SLC25A29: variants seen among roughly 807,000 people sequenced by gnomAD.
SLC25A29 encodes solute carrier family 25 member 29.
A neutral mutation model predicts 10.0 loss-of-function variants in SLC25A29; 13 were observed. The observed-to-expected ratio is 1.30, with a 90% CI of 0.85 to 2.07. SLC25A29 has a LOEUF of 2.07. SLC25A29 is among the 30% of genes most tolerant of loss of function. SLC25A29 has a pLI of 0.00. For missense variants in SLC25A29, 475 were observed against 447.6 expected (o/e 1.06, Z -0.55); for synonymous variants, 244 against 221.1 (o/e 1.10, Z -0.92).
intron 1 of SLC25A29, among the ~76,000 whole-genome samples, chr14:100,301,200 A>G (rs1892521807): frequency 6.7e-6 from 1 of 148,518 alleles, no homozygotes; most frequent in South Asian, 2.1e-4. Context: ...CGCCTGGCCT[A>G]TTCCCTTTCT....
At position 100,292,938 on chromosome 14, in the gene SLC25A29, G is replaced by A. The variant is rs773118795; in HGVS notation, c.257C>T (p.Ala86Val). The change falls in exon 4 of 4, where the codon GCC becomes GTC. Residue 86 changes from alanine (A) to valine (V), a missense_variant. Physicochemically the swap from Ala to Val is moderately conservative, Grantham distance 64. Transcript: ENST00000359232. Reference sequence around the variant, plus strand: ...GTTGAGGGGCGAGTCGTGGCCCAGGGCCCGGAGGGTGTTGCCCTGCACCCC... The same window carrying A: ...GTTGAGGGGCGAGTCGTGGCCCAGGACCCGGAGGGTGTTGCCCTGCACCCC... The part of the protein sequence containing the change: ...VFGVQGNTLR[A>V]LGHDSPLNQF... 5 of 1,607,042 alleles carry A rather than the reference G, an allele frequency of 3.1e-6. No individual in the cohort carries two copies. Among genetic ancestry groups the A allele is most frequent in the African/African-American group, 1.3e-5 (1 of 74,966 alleles).
intron 2 of SLC25A29, 107 bp downstream of exon 2, chr14:100,298,735 G>A: frequency 7.1e-7 from 1 of 1,414,100 alleles, no homozygotes; most frequent in Non-Finnish European, 1.0e-6. Flanking sequence ...TGTAAAAGCA[G>A]CTGCCCACCT....
At chr14:100,282,320 ATG>A in the SLC25A29 span, 3 of 150,924 alleles carry the variant, frequency 2.0e-5, no homozygotes, top group Non-Finnish European at 2.9e-5. Flanking sequence ...CAGCACTGGG[ATG>A]TGTTGAGGAG....
In SLC25A29 at chr14:100,291,353, C is replaced by CT. The variant is rs1399078211; in HGVS notation, c.*929dup. 2 of 152,630 alleles carry CT rather than the reference C, an allele frequency of 1.3e-5. No homozygotes were observed. Among genetic ancestry groups the CT allele is most frequent in the African/African-American group, 4.8e-5 (2 of 41,464 alleles). 9.5% of individuals were successfully genotyped at this position (152,630 alleles called of 1,614,324 possible). ...CACCGTTTGCTGGGGAGCAGAGGGACTGACCTTTGGCTTCTTTGTGGCTGG... is the reference window on the plus strand; with the variant it reads ...CACCGTTTGCTGGGGAGCAGAGGGACTTGACCTTTGGCTTCTTTGTGGCTGG... On this transcript the variant is annotated 3_prime_UTR_variant, in exon 4 of 4. Coordinates refer to ENST00000359232, the MANE Select transcript of SLC25A29 (RefSeq NM_001039355.3).
chr14:100,290,194 C>T (rs1048423091), downstream of SLC25A29, among the ~76,000 whole-genome samples: 30 of 152,210 alleles, frequency 2.0e-4, no homozygotes, highest in Non-Finnish European at 2.8e-4. Context: ...GGGACCACAG[C>T]CACAGGCCAC....
Position 100,306,216 on chromosome 14 carries a change from A to G in SLC25A29, c.17T>C (p.Leu6Ser). 9.9e-6 allele frequency: 15 copies of G among 1,515,596 alleles called. No individual in the cohort carries two copies. Among genetic ancestry groups the G allele is most frequent in the Non-Finnish European group, 1.3e-5 (15 of 1,138,800 alleles). 93.9% of individuals were successfully genotyped at this position (1,515,596 alleles called of 1,614,324 possible). Residue 6 changes from leucine (L) to serine (S), a missense_variant, in exon 1 of 4, where the codon TTG becomes TCG. Transcript: ENST00000359232. ...CTCCTTACCCCCCGCGCATCCAGCCAAGAAGTCCAGCGCCATGGCCGGGTC... is the reference window on the plus strand; with the variant it reads ...CTCCTTACCCCCCGCGCATCCAGCCGAGAAGTCCAGCGCCATGGCCGGGTC... MALDFLAGCAGGVAGV... is the reference protein window; with the variant it reads MALDFSAGCAGGVAGV...
downstream of SLC25A29, among the ~76,000 whole-genome samples, chr14:100,288,109 G>A (rs1323378041): frequency 6.6e-6 from 1 of 152,158 alleles, no homozygotes; most frequent in Non-Finnish European, 1.5e-5. Flanking sequence ...GGGGCCAGGC[G>A]CGGTGGCTCA....
chr14:100,284,025 T>G, the SLC25A29 span, among the ~76,000 whole-genome samples: 1 of 152,122 alleles, frequency 6.6e-6, no homozygotes, highest in Non-Finnish European at 1.5e-5. Flanking sequence ...ACGATTACCG[T>G]GAGCCACCAT....
the SLC25A29 span, chr14:100,278,792 G>C: frequency 6.6e-6 from 1 of 152,258 alleles, no homozygotes; most frequent in Non-Finnish European, 1.5e-5. Flanking sequence ...CCACCGCGCA[G>C]GCTGAGCGCC....
chr14:100,281,459 C>T, the SLC25A29 span: 1 of 152,150 alleles, frequency 6.6e-6, no homozygotes, highest in East Asian at 1.9e-4. Context: ...GGCTCCGGGC[C>T]CTTTGTCCTG....
intron 2 of SLC25A29, chr14:100,296,102 C>T: frequency 2.7e-6 from 3 of 1,093,226 alleles, no homozygotes; most frequent in Non-Finnish European, 3.6e-6. Flanking sequence ...GGTACAGCTG[C>T]AATTATATTC....
chr14:100,281,562 G>T, the SLC25A29 span: 1 of 152,206 alleles, frequency 6.6e-6, no homozygotes, highest in Non-Finnish European at 1.5e-5. Context: ...AACCCAAGCG[G>T]TGGGGAAGGA....
rs537925568 is a variant in SLC25A29 at position 100,296,878 on chromosome 14, A to G, written c.78+1964T>C. On this transcript the variant is annotated intron_variant, in intron 2 of 3. Coordinates refer to ENST00000359232, the MANE Select transcript of SLC25A29 (RefSeq NM_001039355.3). ...CTCCAGAAGTGCTGGGATTACAGGC[A>G]TGAGCCACTAGCCTGGCCAGGATGT... is the stretch of plus-strand genomic sequence containing the variant. Among the ~76,000 whole-genome samples the G allele has an allele frequency of 2.0e-3, 308 of 152,008 alleles. 2 individuals are homozygous for G. The highest frequency in any genetic ancestry group is 3.4e-3 in the Admixed American group (52 of 15,270).
chr14:100,300,891 CTTTCT>C (rs1441557937), intron 1 of SLC25A29, among the ~76,000 whole-genome samples: 1 of 143,984 alleles, frequency 6.9e-6, no homozygotes, highest in African/African-American at 2.8e-5. Flanking sequence ...TATTTATTCC[CTTTCT>C]TTTATTTATT....
chr14:100,297,619 G>A (rs759350391), intron 2 of SLC25A29, among the ~76,000 whole-genome samples: 4 of 152,240 alleles, frequency 2.6e-5, no homozygotes, highest in East Asian at 1.9e-4. Context: ...TAGGCAGCGC[G>A]TGGGCATGGC....
Position 100,292,909 on chromosome 14 carries a change from A to G in SLC25A29, c.286T>C (p.Phe96Leu), listed in dbSNP as rs757720361. 1.2e-5 allele frequency: 20 copies of G among 1,608,546 alleles called. No homozygotes were observed. The highest frequency in any genetic ancestry group is 3.3e-4 in the Middle Eastern group (2 of 6,052). ...GCGCCCGCCGCCGCACCTGCCAGGA[A>G]CTGGTTGAGGGGCGAGTCGTGGCCC... ...ALGHDSPLNQ[F>L]LAGAAAGAIQ... Residue 96 changes from phenylalanine (F) to leucine (L), a missense_variant, in exon 4 of 4, where the codon TTC becomes CTC. Coordinates refer to ENST00000359232, the MANE Select transcript of SLC25A29 (RefSeq NM_001039355.3).
chr14:100,303,719 A>G (rs1285088060), intron 1 of SLC25A29, among the ~76,000 whole-genome samples: 1 of 145,508 alleles, frequency 6.9e-6, no homozygotes, highest in Non-Finnish European at 1.5e-5. Flanking sequence ...CCAACTCCAA[A>G]GCCTACTGTC....
chr14:100,297,578 G>A (rs1198149132), intron 2 of SLC25A29, among the ~76,000 whole-genome samples: 1 of 152,220 alleles, frequency 6.6e-6, no homozygotes, highest in Non-Finnish European at 1.5e-5. Context: ...GGGCTGCTCT[G>A]GCCTGGGGGA....
intron 2 of SLC25A29, chr14:100,294,448 T>C (rs2139694669): frequency 6.6e-6 from 1 of 152,412 alleles, no homozygotes; most frequent in East Asian, 1.9e-4. Flanking sequence ...GTTCCCTAGG[T>C]CTGACTCAGA....
Sources: allele counts gnomAD v4.1 joint callset (sites outside exome capture counted in the v4.1 genomes callset), GRCh38; gene constraint gnomAD v4.1.1; transcripts MANE v1.5; gene names NCBI Gene and HGNC (gene_info 2026-07-23, HGNC 2026-07-21).